Variants in CNTNAP2 observed in about 807,000 individuals in gnomAD.
CNTNAP2 encodes contactin associated protein 2, also known as contactin-associated protein-like 2.
A neutral mutation model predicts 155.2 loss-of-function variants in CNTNAP2; 98 were observed. The ratio of observed to expected loss-of-function variants is 0.63; its 90% CI spans 0.54 to 0.75. The LOEUF is 0.75. Among genes scored for constraint, CNTNAP2 ranks in the 30% least tolerant of loss-of-function variants. The probability of loss-of-function intolerance (pLI) is 0.00; values close to 1 mark genes in which losing one functional copy is unlikely to be tolerated. For missense variants in CNTNAP2, 1,727 were observed against 1,688.1 expected, an observed-to-expected ratio of 1.02 and a Z score of -0.40; for synonymous variants, 651 against 631.2, an observed-to-expected ratio of 1.03 and a Z score of -0.47.
intron 15 of CNTNAP2, among the ~76,000 whole-genome samples, chr7:148,111,852 C>T (rs181579279): frequency 2.0e-5 from 3 of 152,276 alleles, no homozygotes; most frequent in South Asian, 2.1e-4. Context: ...GAAAGTTAAC[C>T]TCGAGTATCT....
chr7:147,519,091 T>C (rs1799184503), intron 11 of CNTNAP2, among the ~76,000 whole-genome samples: 2 of 150,998 alleles, frequency 1.3e-5, no homozygotes, highest in African/African-American at 2.4e-5. Context: ...TTATCACAAA[T>C]GTTGTAGCTG....
intron 20 of CNTNAP2, among the ~76,000 whole-genome samples, chr7:148,241,544 T>C (rs2116799123): frequency 6.6e-6 from 1 of 152,232 alleles, no homozygotes; most frequent in East Asian, 1.9e-4. Flanking sequence ...CACAGAAAAG[T>C]AGGGGAATGA....
At chr7:148,065,702 A>G (rs1292795016) in intron 15 of CNTNAP2, among the ~76,000 whole-genome samples, 1 of 152,180 alleles carries the variant, frequency 6.6e-6, no homozygotes, top group Non-Finnish European at 1.5e-5. Context: ...AGTCTCTTGA[A>G]GACTGCAGAT....
rs183373019 is a variant in CNTNAP2 at position 147,170,568 on chromosome 7, C to G, written c.1348+38059C>G. 2.6e-5 allele frequency among the ~76,000 whole-genome samples: 3 copies of G among 113,754 alleles called. No individual in the cohort carries two copies. The East Asian group carries it at 8.4e-4, about 32-fold the overall frequency. The allele number at this position is 113,754 out of a possible 152,430, so 74.6% of individuals were successfully genotyped here. On this transcript the variant is annotated intron_variant, in intron 8 of 23. Transcript: ENST00000361727. Reference sequence around the variant, plus strand: ...CACACCAGCCTGTGAACCTGTGCATCTCACCCTTCTGAGTGTGGGCTCCTC... The same window carrying G: ...CACACCAGCCTGTGAACCTGTGCATGTCACCCTTCTGAGTGTGGGCTCCTC...
At chr7:148,021,009 T>C (rs1378108457) in intron 15 of CNTNAP2, among the ~76,000 whole-genome samples, 3 of 152,240 alleles carry the variant, frequency 2.0e-5, no homozygotes, top group Non-Finnish European at 2.9e-5. Context: ...TTCTCCACCT[T>C]GTGCCCACGT....
chr7:146,436,699 AC>A (rs1196026950), intron 1 of CNTNAP2, among the ~76,000 whole-genome samples: 4 of 147,264 alleles, frequency 2.7e-5, no homozygotes, highest in Non-Finnish European at 2.9e-5. Context: ...ATTTTTAAGA[AC>A]CTAACTTTAA....
chr7:146,617,017 T>TTTTTTTTG (rs113504240), intron 1 of CNTNAP2, among the ~76,000 whole-genome samples: 18,062 of 151,226 alleles, frequency 0.12, 1,493 homozygotes, highest in African/African-American at 0.23. Flanking sequence ...AACCTGGTTT[T>TTTTTTTTG]TTTGTTTGTT....
At chr7:146,522,366 A>G (rs1413746171) in intron 1 of CNTNAP2, among the ~76,000 whole-genome samples, 1 of 152,078 alleles carries the variant, frequency 6.6e-6, no homozygotes, top group Non-Finnish European at 1.5e-5. Flanking sequence ...TACATTTCCA[A>G]ATAGAAATAG....
intron 15 of CNTNAP2, among the ~76,000 whole-genome samples, chr7:148,045,410 T>G (rs192830060): frequency 6.6e-5 from 10 of 152,284 alleles, no homozygotes; most frequent in Admixed American, 2.0e-4. Context: ...GGCATCTCCA[T>G]GCAGTCCATG....
chr7:147,754,756 T>C (rs1186612848), intron 13 of CNTNAP2, among the ~76,000 whole-genome samples: 2 of 152,108 alleles, frequency 1.3e-5, no homozygotes, highest in African/African-American at 2.4e-5. Context: ...TTTGAAGTTT[T>C]ATTGAAGGTA....
At chr7:146,865,527 C>T (rs886597875) in intron 3 of CNTNAP2, among the ~76,000 whole-genome samples, 1 of 151,878 alleles carries the variant, frequency 6.6e-6, no homozygotes, top group African/African-American at 2.4e-5. Flanking sequence ...TTAATAAAGC[C>T]ACCAATATGA....
At chr7:146,408,853 A>C (rs1487810344) in intron 1 of CNTNAP2, among the ~76,000 whole-genome samples, 2 of 150,364 alleles carry the variant, frequency 1.3e-5, no homozygotes, top group Non-Finnish European at 3.0e-5. Context: ...ACAGATATTA[A>C]AAAAAAAAGA....
chr7:148,110,482 G>A (rs139481684), intron 15 of CNTNAP2, among the ~76,000 whole-genome samples: 1 of 151,310 alleles, frequency 6.6e-6, no homozygotes, highest in Non-Finnish European at 1.5e-5. Context: ...AATGCTTCTA[G>A]GGCTCTTGCT....
intron 1 of CNTNAP2, among the ~76,000 whole-genome samples, chr7:146,446,224 T>C (rs1796399746): frequency 6.6e-6 from 1 of 152,142 alleles, no homozygotes; most frequent in East Asian, 1.9e-4. Context: ...CATGATAATA[T>C]GACACAGTAT....
At chr7:147,530,403 C>T (rs2116724016) in intron 11 of CNTNAP2, among the ~76,000 whole-genome samples, 1 of 152,206 alleles carries the variant, frequency 6.6e-6, no homozygotes, top group Non-Finnish European at 1.5e-5. Context: ...TGGTCTCGAA[C>T]TTCTGACCTT....
chr7:147,686,697 G>C (rs1309575614), intron 13 of CNTNAP2, among the ~76,000 whole-genome samples: 1 of 151,946 alleles, frequency 6.6e-6, no homozygotes. Context: ...AAGAGTTTAG[G>C]CTGTCCTGGA....
intron 10 of CNTNAP2, among the ~76,000 whole-genome samples, chr7:147,425,842 CG>C (rs1368809729): frequency 2.0e-5 from 3 of 152,102 alleles, no homozygotes; most frequent in African/African-American, 7.2e-5. Context: ...CAGTTTAACA[CG>C]GTATTTCCAT....
At chr7:146,465,693 GT>G (rs1430160582) in intron 1 of CNTNAP2, among the ~76,000 whole-genome samples, 2 of 152,144 alleles carry the variant, frequency 1.3e-5, no homozygotes, top group Admixed American at 1.3e-4. Context: ...TTTGCATGCT[GT>G]CTTCAGACCT....
rs190277276 is a variant in CNTNAP2 at position 148,154,803 on chromosome 7, G to C, written c.2773+7094G>C. Among the ~76,000 whole-genome samples, 272 of 152,212 alleles carry C rather than the reference G, an allele frequency of 1.8e-3. 1 individual carries two copies. Among genetic ancestry groups the C allele is most frequent in the African/African-American group, 6.4e-3 (267 of 41,526 alleles). On this transcript the variant is annotated intron_variant, in intron 17 of 23. Coordinates refer to ENST00000361727, the MANE Select transcript of CNTNAP2 (RefSeq NM_014141.6). Reference sequence around the variant, plus strand: ...GATACAAAAATTACTCAGGCATGCTGGTGGGTGCCTGTAATCCCAGCTACT... The same window carrying C: ...GATACAAAAATTACTCAGGCATGCTCGTGGGTGCCTGTAATCCCAGCTACT...
Sources: gnomAD v4.1 joint callset for allele counts (sites outside exome capture counted in the v4.1 genomes callset) on GRCh38, gnomAD v4.1.1 for gene constraint, MANE v1.5 for transcripts, NCBI Gene and HGNC (gene_info 2026-07-23, HGNC 2026-07-21) for gene names.